SLF2: variants seen among roughly 807,000 people sequenced by gnomAD.
SLF2 encodes SMC5/6 complex localization factor 2, also known as SMC5-SMC6 complex localization factor protein 2.
Under a neutral mutation model 124.3 loss-of-function variants are expected in SLF2, and 68 were observed. The observed-to-expected ratio is 0.55, with a 90% CI of 0.45 to 0.67. The LOEUF is 0.67. Ranked by LOEUF, SLF2 falls within the 30% of genes least tolerant of loss-of-function variation. The pLI is 0.00. For missense variants in SLF2, 1,246 were observed against 1,373.7 expected (o/e 0.91, Z 1.47); for synonymous variants, 480 against 478.8 (o/e 1.00, Z -0.03).
Position 100,924,059 on chromosome 10 carries a change from T to C in SLF2, c.1058T>C (p.Ile353Thr), listed in dbSNP as rs960283565. The C allele has an allele frequency of 8.7e-6, 14 of 1,609,180 alleles. No individual in the cohort carries two copies. The highest frequency in any genetic ancestry group is 1.3e-5 in the African/African-American group (1 of 74,378). ...CTGAAAAGCACAAGAGAATCTATGA[T>C]ACCAAAAGCAAGAGAGTCCTTCCTT... ...SDLKSTRESM[I>T]PKARESFLEK... is the part of the protein sequence containing the mutation. Residue 353 changes from isoleucine (I) to threonine (T), a missense_variant, in exon 5 of 20, where the codon ATA becomes ACA. Coordinates refer to ENST00000238961, the MANE Select transcript of SLF2 (RefSeq NM_018121.4).
At chr10:100,923,572 C>T (rs57983248) in intron 4 of SLF2, among the ~76,000 whole-genome samples, 4,002 of 151,620 alleles carry the variant, frequency 0.026, 178 homozygotes, top group African/African-American at 0.091. Context: ...TTATCCTATA[C>T]GTGTTTTAAG....
At chr10:100,942,665 C>A (rs984190862) in intron 11 of SLF2, among the ~76,000 whole-genome samples, 9 of 152,042 alleles carry the variant, frequency 5.9e-5, no homozygotes, top group Non-Finnish European at 1.2e-4. Flanking sequence ...ATTACAGGCA[C>A]CCGCCACCAC....
chr10:100,961,845 T>C (rs1295352019), intron 19 of SLF2, 32 bp from the exon 20 acceptor site: 26 of 1,601,456 alleles, frequency 1.6e-5, no homozygotes, highest in Non-Finnish European at 2.2e-5. Flanking sequence ...TAAATTTTGC[T>C]TTACCCTCTT....
chr10:100,943,278 T>C (rs556381388), intron 11 of SLF2, among the ~76,000 whole-genome samples: 1 of 152,336 alleles, frequency 6.6e-6, no homozygotes, highest in South Asian at 2.1e-4. Flanking sequence ...TTTCTTCTTA[T>C]ACCACAGTGG....
At chr10:100,917,901 G>A (rs1446649415) in intron 3 of SLF2, among the ~76,000 whole-genome samples, 2 of 151,892 alleles carry the variant, frequency 1.3e-5, no homozygotes, top group Admixed American at 1.3e-4. Context: ...GCCACATATC[G>A]AGACCTTGGC....
chr10:100,962,868 T>A lies in SLF2; in HGVS notation c.*956T>A, dbSNP rs35604965. On this transcript the variant is annotated 3_prime_UTR_variant, in exon 20 of 20. Coordinates refer to ENST00000238961, the MANE Select transcript of SLF2 (RefSeq NM_018121.4). ...GTGTGTGTGTGTGTGTGTGTGTGTG[T>A]GCGCTTGTATCTTGAAGTTGTTGCA... The A allele has an allele frequency of 6.6e-6, 1 of 151,994 alleles. No homozygotes were observed. The highest frequency in any genetic ancestry group is 1.5e-5 in the Non-Finnish European group (1 of 67,890). 9.4% of individuals were successfully genotyped at this position (151,994 alleles called of 1,614,324 possible).
At chr10:100,931,468 T>G (rs1325483873) in intron 9 of SLF2, among the ~76,000 whole-genome samples, 1 of 138,552 alleles carries the variant, frequency 7.2e-6, no homozygotes, top group East Asian at 2.0e-4. Flanking sequence ...GTATATATGG[T>G]TTTTTTTTTG....
chr10:100,913,402 G>T (rs1849358935), intron 1 of SLF2, 152 bp downstream of exon 1: 3 of 1,359,728 alleles, frequency 2.2e-6, no homozygotes, highest in Non-Finnish European at 2.8e-6. Context: ...CCGCCTCCGC[G>T]CAGGGGCTAC....
chr10:100,954,372 C>T (rs1850284971), intron 17 of SLF2, among the ~76,000 whole-genome samples: 1 of 152,118 alleles, frequency 6.6e-6, no homozygotes, highest in South Asian at 2.1e-4. Flanking sequence ...TTAATATGAA[C>T]ATGCTTATTC....
At position 100,931,059 on chromosome 10, in the gene SLF2, T is replaced by C. The variant is rs1849724854; in HGVS notation, c.2417T>C (p.Val806Ala). 1.2e-6 allele frequency: 2 copies of C among 1,613,410 alleles called. No individual in the cohort carries two copies. The highest frequency in any genetic ancestry group is 3.3e-4 in the Middle Eastern group (2 of 6,058). The change falls in exon 9 of 20, where the codon GTG becomes GCG. Residue 806 changes from valine to alanine, a missense_variant. Transcript: ENST00000238961. ...AYHYVQCPVP[V>A]LKWLFRMMSV... is the part of the protein sequence containing the mutation. Reference sequence around the variant, plus strand: ...CACTATGTCCAGTGTCCTGTCCCTGTGTTAAAGTGGCTGTTTCGGGTAAGA... The same window carrying C: ...CACTATGTCCAGTGTCCTGTCCCTGCGTTAAAGTGGCTGTTTCGGGTAAGA...
In SLF2 at chr10:100,957,820, G is replaced by T. The variant is rs138809428; in HGVS notation, c.3417+1283G>T. On this transcript the variant is annotated intron_variant, in intron 18 of 19. Coordinates refer to ENST00000238961, the MANE Select transcript of SLF2 (RefSeq NM_018121.4). Reference sequence around the variant, plus strand: ...AGTATGGAGTAGGAAAATAATGTTAGTATTAATAGAATGATTTGACAGTTT... The same window carrying T: ...AGTATGGAGTAGGAAAATAATGTTATTATTAATAGAATGATTTGACAGTTT... Among the ~76,000 whole-genome samples the T allele has an allele frequency of 3.9e-5, 6 of 152,224 alleles. No individual in the cohort carries two copies. The East Asian group carries it at 1.2e-3, about 29-fold the overall frequency.
intron 16 of SLF2, 96 bp from the exon 17 acceptor site, chr10:100,950,580 C>G: frequency 9.4e-7 from 1 of 1,064,298 alleles, no homozygotes; most frequent in Non-Finnish European, 1.4e-6. Context: ...TGACCGTATC[C>G]TTTATCCTTC....
intron 6 of SLF2, chr10:100,926,793 C>T: frequency 6.6e-6 from 1 of 151,870 alleles, no homozygotes; most frequent in Non-Finnish European, 1.5e-5. Context: ...GCTTGTAGTC[C>T]CAGCTCCTGG....
intron 9 of SLF2, among the ~76,000 whole-genome samples, chr10:100,935,594 C>T (rs545448761): frequency 4.0e-5 from 6 of 151,642 alleles, no homozygotes; most frequent in South Asian, 4.2e-4. Flanking sequence ...GCACGAGAAT[C>T]GCTTGAACCT....
At position 100,945,440 on chromosome 10, in the gene SLF2, T is replaced by C; in HGVS notation, c.2868T>C (p.Ile956=). The C allele has an allele frequency of 6.3e-7, 1 of 1,598,332 alleles. No individual in the cohort carries two copies. The highest frequency in any genetic ancestry group is 8.5e-7 in the Non-Finnish European group (1 of 1,176,698). The change falls in exon 13 of 20, where the codon ATT becomes ATC. Residue 956 remains isoleucine, a synonymous_variant. Transcript: ENST00000238961. ...KMSLEKQLKQ[I]PLVDFQSLLI... ...GTTTGGAAAAACAGCTGAAACAGATTCCTTTAGTAGACTTTCAAAGCCTCC... is the reference window on the plus strand; with the variant it reads ...GTTTGGAAAAACAGCTGAAACAGATCCCTTTAGTAGACTTTCAAAGCCTCC...
chr10:100,924,467 T>C lies in SLF2; in HGVS notation c.1466T>C (p.Leu489Ser), dbSNP rs767520152. ...VPSAGSSLVP[L>S]NAKNCALPVS... ...AGTGCTGGTTCCTCTCTAGTACCAT[T>C]AAATGCTAAAAATTGTGCTCTTCCA... The change falls in exon 5 of 20, where the codon TTA (leucine) becomes TCA (serine). Residue 489 changes from leucine (L) to serine (S), a missense_variant. Coordinates refer to ENST00000238961, the MANE Select transcript of SLF2 (RefSeq NM_018121.4). The C allele has an allele frequency of 6.8e-6, 11 of 1,614,150 alleles. No individual in the cohort carries two copies. The highest frequency in any genetic ancestry group is 9.3e-6 in the Non-Finnish European group (11 of 1,180,032).
intron 9 of SLF2, among the ~76,000 whole-genome samples, chr10:100,935,459 G>A (rs1849827659): frequency 6.6e-6 from 1 of 151,878 alleles, no homozygotes; most frequent in Admixed American, 6.6e-5. Context: ...GCAGCACTTT[G>A]GGAGAATGAG....
At position 100,929,910 on chromosome 10, in the gene SLF2, A is replaced by G. The variant is rs1415894868; in HGVS notation, c.2246A>G (p.Asn749Ser). 3.1e-6 allele frequency: 5 copies of G among 1,602,538 alleles called. No homozygotes were observed. Among genetic ancestry groups the G allele is most frequent in the Middle Eastern group, 3.3e-4 (2 of 6,016 alleles). Residue 749 changes from asparagine (N) to serine (S), a missense_variant, in exon 8 of 20, where the codon AAT becomes AGT. Asn to Ser is a conservative substitution (Grantham distance 46, BLOSUM62 1). Coordinates refer to ENST00000238961, the MANE Select transcript of SLF2 (RefSeq NM_018121.4). The stretch of plus-strand genomic sequence containing the variant: ...GGTGAAGAAATATTTAATTTCCTCA[A>G]TTCTGGAAAAATTTTCAATCAGTAT... ...HPGEEIFNFL[N>S]SGKIFNQYTL...
intron 19 of SLF2, 175 bp downstream of exon 19, chr10:100,959,671 T>C: frequency 1.7e-6 from 2 of 1,156,590 alleles, no homozygotes; most frequent in Non-Finnish European, 2.2e-6. Context: ...TCGTTTGCTT[T>C]ATATTCATTA....
Sources: allele counts gnomAD v4.1 joint callset (sites outside exome capture counted in the v4.1 genomes callset), GRCh38; gene constraint gnomAD v4.1.1; transcripts MANE v1.5; gene names NCBI Gene and HGNC (gene_info 2026-07-23, HGNC 2026-07-21).